IGF1R: variants seen among roughly 807,000 people sequenced by gnomAD.
IGF1R encodes insulin like growth factor 1 receptor, also known as insulin-like growth factor 1 receptor.
In IGF1R, 44 loss-of-function variants were observed where a neutral mutation model predicts 144.6. The observed-to-expected ratio is 0.30, with a 90% CI of 0.24 to 0.39. The LOEUF is 0.39. Ranked by LOEUF, IGF1R falls within the 10% of genes least tolerant of loss-of-function variation. The probability of loss-of-function intolerance (pLI) is 1.00; values close to 1 mark genes in which losing one functional copy is unlikely to be tolerated. For synonymous variants in IGF1R, 795 were observed against 722.8 expected (o/e 1.10, Z -1.60); for missense variants, 1,355 against 1,833.7 (o/e 0.74, Z 4.77).
intron 1 of IGF1R, among the ~76,000 whole-genome samples, chr15:98,705,066 A>C (rs769793631): frequency 1.1e-4 from 16 of 152,150 alleles, no homozygotes; most frequent in Non-Finnish European, 2.2e-4. Context: ...GTTAGAGCTC[A>C]AAAGAGTCTG....
intron 2 of IGF1R, among the ~76,000 whole-genome samples, chr15:98,720,765 A>T (rs2054228488): frequency 6.6e-6 from 1 of 152,198 alleles, no homozygotes; most frequent in African/African-American, 2.4e-5. Context: ...ACCAAAGTGA[A>T]TTATTCATAA....
At chr15:98,876,491 G>A (rs1195414282) in intron 2 of IGF1R, among the ~76,000 whole-genome samples, 1 of 152,044 alleles carries the variant, frequency 6.6e-6, no homozygotes, top group Non-Finnish European at 1.5e-5. Flanking sequence ...TGGCAAGGCT[G>A]GTATACTTGT....
At chr15:98,937,943 C>G (rs2016218375) in intron 17 of IGF1R, among the ~76,000 whole-genome samples, 1 of 152,190 alleles carries the variant, frequency 6.6e-6, no homozygotes, top group Non-Finnish European at 1.5e-5. Flanking sequence ...TGTTGCTTCC[C>G]CAGATAACCA....
intron 1 of IGF1R, among the ~76,000 whole-genome samples, chr15:98,706,726 T>C (rs1260223387): frequency 6.6e-6 from 1 of 152,196 alleles, no homozygotes; most frequent in Non-Finnish European, 1.5e-5. Context: ...GTCATTTTTG[T>C]CTGATTTCAC....
chr15:98,892,353 C>T (rs117908248), intron 3 of IGF1R, among the ~76,000 whole-genome samples: 2,359 of 151,928 alleles, frequency 0.016, 25 homozygotes, highest in South Asian at 0.034. Context: ...GAGTTTGAGA[C>T]CAGCCTGGCC....
At chr15:98,854,022 T>G (rs1315137294) in intron 2 of IGF1R, among the ~76,000 whole-genome samples, 4 of 152,230 alleles carry the variant, frequency 2.6e-5, no homozygotes, top group African/African-American at 9.6e-5. Flanking sequence ...AGGAATAGTT[T>G]TCCACACTGA....
intron 1 of IGF1R, among the ~76,000 whole-genome samples, chr15:98,655,826 C>T (rs989681137): frequency 7.2e-5 from 11 of 151,976 alleles, no homozygotes; most frequent in Non-Finnish European, 1.3e-4. Context: ...TCCAGTGATC[C>T]TCCCAAGTAG....
At chr15:98,813,771 T>A (rs544354213) in intron 2 of IGF1R, among the ~76,000 whole-genome samples, 1 of 152,238 alleles carries the variant, frequency 6.6e-6, no homozygotes, top group South Asian at 2.1e-4. Flanking sequence ...CCATTCCTTA[T>A]GTCCGAATGC....
intron 2 of IGF1R, among the ~76,000 whole-genome samples, chr15:98,722,608 G>A (rs2054271173): frequency 6.6e-6 from 1 of 152,190 alleles, no homozygotes; most frequent in African/African-American, 2.4e-5. Flanking sequence ...GTACAGCTTA[G>A]TTCCATGGGG....
At chr15:98,712,980 A>G (rs2054030456) in intron 2 of IGF1R, among the ~76,000 whole-genome samples, 3 of 150,652 alleles carry the variant, frequency 2.0e-5, no homozygotes, top group Admixed American at 2.0e-4. Flanking sequence ...TAGGATAGGC[A>G]TGTGGTACAG....
At chr15:98,678,976 C>T (rs2053120026) in intron 1 of IGF1R, among the ~76,000 whole-genome samples, 1 of 142,890 alleles carries the variant, frequency 7.0e-6, no homozygotes, top group African/African-American at 2.7e-5. Context: ...AGATGGTGTA[C>T]AGTGGTGTGG....
At chr15:98,689,466 A>G (rs1306530735) in intron 1 of IGF1R, among the ~76,000 whole-genome samples, 2 of 151,768 alleles carry the variant, frequency 1.3e-5, no homozygotes, top group African/African-American at 4.8e-5. Context: ...ACCTCAAGCC[A>G]TCTGCCTGCC....
intron 2 of IGF1R, among the ~76,000 whole-genome samples, chr15:98,717,434 T>A (rs1264111790): frequency 6.6e-6 from 1 of 152,206 alleles, no homozygotes; most frequent in Non-Finnish European, 1.5e-5. Context: ...CTACCATAAC[T>A]AAATGGTCCT....
chr15:98,900,774 T>C (rs1596414858), intron 5 of IGF1R: 1 of 152,178 alleles, frequency 6.6e-6, no homozygotes, highest in East Asian at 1.9e-4. Context: ...GTGATGATTA[T>C]TGTTTCTTGT....
intron 2 of IGF1R, among the ~76,000 whole-genome samples, chr15:98,881,940 G>A (rs959106024): frequency 4.6e-5 from 7 of 152,206 alleles, no homozygotes; most frequent in African/African-American, 1.7e-4. Context: ...AGAATCTCCA[G>A]TATAAATTAC....
intron 17 of IGF1R, 116 bp from the exon 18 acceptor site, chr15:98,939,085 C>A (rs2016266947): frequency 2.4e-6 from 2 of 826,320 alleles, no homozygotes; most frequent in Non-Finnish European, 4.0e-6. Context: ...GGTTTCTTAG[C>A]ATAAACAACC....
intron 8 of IGF1R, among the ~76,000 whole-genome samples, chr15:98,914,992 T>C (rs2015180987): frequency 6.6e-6 from 1 of 152,200 alleles, no homozygotes; most frequent in African/African-American, 2.4e-5. Context: ...TTCAGAACCT[T>C]GTGTGTATCG....
intron 2 of IGF1R, among the ~76,000 whole-genome samples, chr15:98,796,839 A>G (rs1159140151): frequency 6.6e-6 from 1 of 152,230 alleles, no homozygotes; most frequent in East Asian, 1.9e-4. Flanking sequence ...ACAGCCTGGC[A>G]CAAAGCAGGG....
At chr15:98,928,219 AG>A (rs1004534075) in intron 13 of IGF1R, among the ~76,000 whole-genome samples, 22 of 152,172 alleles carry the variant, frequency 1.4e-4, no homozygotes, top group Non-Finnish European at 2.2e-4. Flanking sequence ...ATACTGTATG[AG>A]CCTCATCCTG....
Sources: allele counts gnomAD v4.1 joint callset (sites outside exome capture counted in the v4.1 genomes callset), GRCh38; gene constraint gnomAD v4.1.1; transcripts MANE v1.5; gene names NCBI Gene and HGNC (gene_info 2026-07-23, HGNC 2026-07-21).